Variants in DIAPH1 observed in about 807,000 individuals in gnomAD.
The protein encoded by DIAPH1 is protein diaphanous homolog 1.
Under a neutral mutation model 140.7 loss-of-function variants are expected in DIAPH1, and 46 were observed. The ratio of observed to expected loss-of-function variants is 0.33; its 90% confidence interval spans 0.26 to 0.42. DIAPH1 has a LOEUF of 0.42. Among genes scored for constraint, DIAPH1 ranks in the 10% least tolerant of loss-of-function variants. DIAPH1 has a pLI of 1.00. For missense variants in DIAPH1, 1,310 were observed against 1,558.7 expected (o/e 0.84, Z 2.69); for synonymous variants, 565 against 551.6 (o/e 1.02, Z -0.34).
At chr5:141,524,017 CG>C in intron 27 of DIAPH1, 125 bp downstream of exon 27, 1 of 852,898 alleles carries the variant, frequency 1.2e-6, no homozygotes, top group Non-Finnish European at 2.0e-6. Flanking sequence ...CTAGATAATC[CG>C]TTCTGGATGC....
rs1486622186 is a variant in DIAPH1 at position 141,515,871 on chromosome 5, T to C, written c.*980A>G. The stretch of plus-strand genomic sequence containing the variant: ...CTCTGTAACCTGCCACCAAAGCTTC[T>C]TACATTATGGAGGGGAAAGGGGGAA... On this transcript the variant is annotated 3_prime_UTR_variant, in exon 28 of 28. Coordinates refer to ENST00000389054, the MANE Select transcript of DIAPH1 (RefSeq NM_005219.5). 2 of 152,624 alleles carry C rather than the reference T, an allele frequency of 1.3e-5. No homozygotes were observed. Among genetic ancestry groups the C allele is most frequent in the East Asian group, 3.8e-4 (2 of 5,208 alleles). 9.5% of individuals were successfully genotyped at this position (152,624 alleles called of 1,614,324 possible).
intron 1 of DIAPH1, among the ~76,000 whole-genome samples, chr5:141,598,158 C>T (rs1382057203): frequency 6.6e-6 from 1 of 152,218 alleles, no homozygotes; most frequent in Non-Finnish European, 1.5e-5. Flanking sequence ...AAGACTCCAT[C>T]TAACAGTGGC....
intron 18 of DIAPH1, among the ~76,000 whole-genome samples, chr5:141,566,090 G>A (rs1043542084): frequency 6.6e-6 from 1 of 151,834 alleles, no homozygotes; most frequent in African/African-American, 2.4e-5. Context: ...TCATCAGAAA[G>A]TGAAGGACAG....
At chr5:141,593,060 G>T (rs1043933449) in intron 1 of DIAPH1, among the ~76,000 whole-genome samples, 1 of 152,154 alleles carries the variant, frequency 6.6e-6, no homozygotes, top group Non-Finnish European at 1.5e-5. Flanking sequence ...AGAACTAGAG[G>T]TATTAAATCC....
rs1045569141 is a variant in DIAPH1 at position 141,543,071 on chromosome 5, A to G, written c.2483-8638T>C. 2.0e-5 allele frequency among the ~76,000 whole-genome samples: 3 copies of G among 146,382 alleles called. No individual in the cohort carries two copies. The Admixed American group carries it at 2.2e-4, about 11-fold the overall frequency. ...TGCTGTTGGTACTTCATCTCAGTTT[A>G]GTTACAAAAAAAAAAAAAGAAAATG... On this transcript the variant is annotated intron_variant, in intron 18 of 27. Coordinates refer to ENST00000389054, the MANE Select transcript of DIAPH1 (RefSeq NM_005219.5).
chr5:141,553,658 A>G (rs1355468395), intron 18 of DIAPH1, among the ~76,000 whole-genome samples: 1 of 152,114 alleles, frequency 6.6e-6, no homozygotes, highest in Non-Finnish European at 1.5e-5. Context: ...AAACCCCCCA[A>G]GAAAACATCG....
At chr5:141,618,776 G>T in intron 1 of DIAPH1, 22 bp downstream of exon 1, 1 of 1,515,836 alleles carries the variant, frequency 6.6e-7, no homozygotes, top group Non-Finnish European at 9.0e-7. Flanking sequence ...CCAGGCAGGA[G>T]CGGGATGGGA....
Position 141,582,379 on chromosome 5 carries a change from T to C in DIAPH1, c.621-4A>G, listed in dbSNP as rs772123724. ...CTTGTTCCGGCTATCGTAACTCCTG[T>C]ATATAGAAGACATAATCAGTGAGGT... On this transcript the variant is annotated splice_region_variant and splice_polypyrimidine_tract_variant and intron_variant, in intron 6 of 27. Transcript: ENST00000389054. The C allele has an allele frequency of 2.1e-5, 34 of 1,608,586 alleles. No homozygotes were observed. The highest frequency in any genetic ancestry group is 1.7e-6 in the Non-Finnish European group (2 of 1,175,104).
chr5:141,609,307 A>T (rs1013207288), intron 1 of DIAPH1, among the ~76,000 whole-genome samples: 3 of 152,216 alleles, frequency 2.0e-5, no homozygotes, highest in African/African-American at 7.2e-5. Context: ...CTCTAAGGGA[A>T]TACCACCAAA....
chr5:141,576,924 A>G (rs1389436188), intron 12 of DIAPH1, 53 bp from the exon 13 acceptor site: 3 of 1,148,482 alleles, frequency 2.6e-6, no homozygotes, highest in African/African-American at 3.0e-5. Context: ...TATAATTTTC[A>G]GAAGTATTCA....
chr5:141,560,359 C>T (rs2099893326), intron 18 of DIAPH1, among the ~76,000 whole-genome samples: 1 of 152,190 alleles, frequency 6.6e-6, no homozygotes, highest in South Asian at 2.1e-4. Flanking sequence ...TGCATTCTTG[C>T]CACTCCCTTT....
At position 141,579,174 on chromosome 5, in the gene DIAPH1, T is replaced by C; in HGVS notation, c.847A>G (p.Met283Val). Residue 283 changes from methionine to valine, a missense_variant, in exon 9 of 28, where the codon ATG becomes GTG. By Grantham distance (21) the Met-to-Val change is conservative. Transcript: ENST00000389054. Reference protein sequence around the residue: ...EDMNERVLEAMTERAEMDEVE... With the variant: ...EDMNERVLEAVTERAEMDEVE... ...TCATCCATCTCAGCTCTTTCTGTCA[T>C]TGCCTCCAAAACCCTTTCATTCCTG... 3 of 1,614,140 alleles carry C rather than the reference T, an allele frequency of 1.9e-6. No homozygotes were observed. Among genetic ancestry groups the C allele is most frequent in the Non-Finnish European group, 2.5e-6 (3 of 1,179,994 alleles).
intron 18 of DIAPH1, among the ~76,000 whole-genome samples, chr5:141,537,211 C>T (rs953143712): frequency 4.6e-5 from 7 of 151,244 alleles, no homozygotes; most frequent in South Asian, 2.1e-4. Flanking sequence ...TGGCCAGACG[C>T]GGTGGCTCAT....
intron 27 of DIAPH1, 25 bp downstream of exon 27, chr5:141,524,117 AG>A (rs2099886952): frequency 6.2e-7 from 1 of 1,608,770 alleles, no homozygotes; most frequent in Admixed American, 1.7e-5. Context: ...TTCGACACCC[AG>A]GATGAGCTCC....
At chr5:141,568,019 ACC>A (rs1205491522) in intron 18 of DIAPH1, among the ~76,000 whole-genome samples, 3 of 152,282 alleles carry the variant, frequency 2.0e-5, no homozygotes, top group Admixed American at 2.0e-4. Context: ...CACATAACAC[ACC>A]TCTTACTTTA....
Position 141,519,030 on chromosome 5 carries a change from A to T in DIAPH1, c.3662-2022T>A, listed in dbSNP as rs975704382. 5.2e-6 allele frequency: 8 copies of T among 1,541,110 alleles called. No homozygotes were observed. In the African/African-American group the frequency reaches 1.1e-4, roughly 21 times the overall value. On this transcript the variant is annotated intron_variant, in intron 27 of 27. Coordinates refer to ENST00000389054, the MANE Select transcript of DIAPH1 (RefSeq NM_005219.5). ...AGGAGAAAGAATAGTGAAGACCCTGACTGACAGCCACAGGACTTATCTAGT... is the reference window on the plus strand; with the variant it reads ...AGGAGAAAGAATAGTGAAGACCCTGTCTGACAGCCACAGGACTTATCTAGT...
At position 141,584,174 on chromosome 5, in the gene DIAPH1, T is replaced by A. The variant is rs769174848; in HGVS notation, c.352A>T (p.Ile118Phe). The change falls in exon 4 of 28, where the codon ATC (isoleucine) becomes TTC (phenylalanine). Residue 118 changes from isoleucine (I) to phenylalanine (F), a missense_variant. Ile to Phe is a conservative substitution (Grantham distance 21, BLOSUM62 0). Transcript: ENST00000389054. ...EKQQPLREKD[I>F]IIKREMVSQY... ...GACACCATCTCCCTCTTGATGATGA[T>A]GTCCTTCTCCCTCAAAGGTTGCTGT... 30 of 1,613,616 alleles carry A rather than the reference T, an allele frequency of 1.9e-5. No individual in the cohort carries two copies. Among genetic ancestry groups the A allele is most frequent in the Non-Finnish European group, 2.5e-5 (30 of 1,179,608 alleles).
intron 18 of DIAPH1, chr5:141,550,653 T>C (rs148500598): frequency 6.5e-6 from 1 of 154,304 alleles, no homozygotes; most frequent in African/African-American, 2.4e-5. Flanking sequence ...CCTCACTCTA[T>C]TGCCCAGGCT....
intron 1 of DIAPH1, among the ~76,000 whole-genome samples, chr5:141,606,337 C>T (rs1289179509): frequency 1.3e-5 from 2 of 152,172 alleles, no homozygotes; most frequent in Non-Finnish European, 2.9e-5. Context: ...AGCAATTATT[C>T]ACTTTAAATG....
Sources: allele counts gnomAD v4.1 joint callset (sites outside exome capture counted in the v4.1 genomes callset), GRCh38; gene constraint gnomAD v4.1.1; transcripts MANE v1.5; gene names NCBI Gene and HGNC (gene_info 2026-07-23, HGNC 2026-07-21).